RGL2: variants seen among roughly 807,000 people sequenced by gnomAD.
RGL2 encodes ral guanine nucleotide dissociation stimulator like 2.
In RGL2, 40 loss-of-function variants were observed where a neutral mutation model predicts 84.6. The observed-to-expected ratio is 0.47, with a 90% CI of 0.37 to 0.62. The LOEUF is 0.62. Among genes scored for constraint, RGL2 ranks in the 20% least tolerant of loss-of-function variants. The probability of loss-of-function intolerance (pLI) is 0.00; values close to 1 mark genes in which losing one functional copy is unlikely to be tolerated. For missense variants in RGL2, 865 were observed against 1,019.7 expected (o/e 0.85, Z 2.07); for synonymous variants, 369 against 417.3 (o/e 0.88, Z 1.41).
In RGL2 at chr6:33,293,475, G is replaced by A. The variant is rs1767633394; in HGVS notation, c.1654C>T (p.Pro552Ser). ...VPTPLVSCDRPSTGGDEAPTT... is the reference protein window; with the variant it reads ...VPTPLVSCDRSSTGGDEAPTT... ...GGCGCCTCATCTCCCCCAGTACTGG[G>A]CCGGTCACAGGACACAAGCGGGGTA... Residue 552 changes from proline to serine, a missense_variant, in exon 15 of 18, where the codon CCC becomes TCC. This residue lies in a region of RGL2 where 302 missense variants were observed against 327.9 expected (regional missense o/e 0.92). Coordinates refer to ENST00000497454, the MANE Select transcript of RGL2 (RefSeq NM_004761.5). This position sits in a 1 kb window ranked among gnomAD's most constrained non-coding sequence, Gnocchi z 7.0. 2 of 1,614,122 alleles carry A rather than the reference G, an allele frequency of 1.2e-6. No individual in the cohort carries two copies. Among genetic ancestry groups the A allele is most frequent in the South Asian group, 1.1e-5 (1 of 91,080 alleles).
rs1020520278 is a variant in RGL2 at position 33,294,606 on chromosome 6, C to T, written c.1353+82G>A. 1 of 1,491,008 alleles carries T rather than the reference C, an allele frequency of 6.7e-7. No homozygotes were observed. Among genetic ancestry groups the T allele is most frequent in the South Asian group, 1.2e-5 (1 of 84,742 alleles). The allele number at this position is 1,491,008 out of a possible 1,614,324, so 92.4% of individuals were successfully genotyped here. On this transcript the variant is annotated intron_variant, in intron 11 of 17. Transcript: ENST00000497454. The surrounding 1 kb of genome is among the most constrained non-coding windows in gnomAD (Gnocchi z 5.0). ...ACTCAGCTATTTGTGCCTTACAGCC[C>T]CTTGCAAGGGGCGGGGGGGTCTGTC...
rs767782880 is a variant in RGL2, at chr6:33,295,467, C to T, written c.1020+41G>A. 1 of 1,613,406 alleles carries T rather than the reference C, an allele frequency of 6.2e-7. No homozygotes were observed. On this transcript the variant is annotated intron_variant, in intron 7 of 17. Coordinates refer to ENST00000497454, the MANE Select transcript of RGL2 (RefSeq NM_004761.5). This position sits in a 1 kb window ranked among gnomAD's most constrained non-coding sequence, Gnocchi z 7.2. The stretch of plus-strand genomic sequence containing the variant: ...GAGCTAAGGCTATGGGAGGCCTCTC[C>T]ATTCCATGGCCACAAACCGTAGGGC...
rs1298725971 is a variant in RGL2, at chr6:33,296,405, G to A, written c.470+9C>T. The A allele has an allele frequency of 1.2e-6, 2 of 1,610,390 alleles. No homozygotes were observed. Among genetic ancestry groups the A allele is most frequent in the East Asian group, 2.2e-5 (1 of 44,874 alleles). On this transcript the variant is annotated intron_variant, in intron 5 of 17. Transcript: ENST00000497454. The surrounding 1 kb of genome is among the most constrained non-coding windows in gnomAD (Gnocchi z 5.0). ...GGGACTGTGAGATTAAGAACCAGGG[G>A]TCACTCACTCTGTTGTCCTCTCTAG...
At chr6:33,299,514 G>T (rs1258524605), upstream of RGL2, among the ~76,000 whole-genome samples, 2 of 152,102 alleles carry the variant, frequency 1.3e-5, no homozygotes, top group African/African-American at 2.4e-5. The surrounding 1 kb of genome is among the most constrained non-coding windows in gnomAD (Gnocchi z 5.0). Flanking sequence ...ATCCCCGTCG[G>T]CTCGGTGTAT....
chr6:33,293,706 TA>T lies in RGL2; in HGVS notation c.1509-8del, dbSNP rs765058341. ...CTCACAGGATACACGATGGCTGGGT[TA>T]GGGGGGCAATAGGCAGAGCTCAGGA... On this transcript the variant is annotated splice_polypyrimidine_tract_variant and splice_region_variant and intron_variant, in intron 13 of 17. Transcript: ENST00000497454. The surrounding 1 kb of genome is among the most constrained non-coding windows in gnomAD (Gnocchi z 7.0). 6 of 1,613,872 alleles carry T rather than the reference TA, an allele frequency of 3.7e-6. No homozygotes were observed. The African/African-American group carries it at 4.0e-5, about 11-fold the overall frequency.
At position 33,298,132 on chromosome 6, in the gene RGL2, G is replaced by A. The variant is rs1330283782; in HGVS notation, c.156+323C>T. 1 of 235,786 alleles carries A rather than the reference G, an allele frequency of 4.2e-6. No homozygotes were observed. The highest frequency in any genetic ancestry group is 8.2e-6 in the Non-Finnish European group (1 of 121,330). The allele number at this position is 235,786 out of a possible 1,614,324, so 14.6% of individuals were successfully genotyped here. A position where few individuals can be genotyped will look rare whatever the true frequency, so the allele number is the denominator to read the frequency against. ...CCCGCCAAACAAAAACAAGGAGGGA[G>A]ACAGGGACCAAGACACGACTGCTCA... On this transcript the variant is annotated intron_variant, in intron 2 of 17. Coordinates refer to ENST00000497454, the MANE Select transcript of RGL2 (RefSeq NM_004761.5). This position sits in a 1 kb window ranked among gnomAD's most constrained non-coding sequence, Gnocchi z 4.8.
rs761640195 is a variant in RGL2, at chr6:33,296,502, C to T, written c.420-38G>A. On this transcript the variant is annotated intron_variant, in intron 4 of 17. Transcript: ENST00000497454. The surrounding 1 kb of genome is among the most constrained non-coding windows in gnomAD (Gnocchi z 5.0). ...AGAGGATCTATCTGTCCATTTTTCC[C>T]AAACCCTCAGTGGCTTTGACTATTT... 21 of 1,588,000 alleles carry T rather than the reference C, an allele frequency of 1.3e-5. No individual in the cohort carries two copies. The Admixed American group carries it at 3.2e-4, about 24-fold the overall frequency.
chr6:33,293,346 G>A lies in RGL2; in HGVS notation c.1717-40C>T. ...CATGGGACTGGCATGAAGGCAGGGA[G>A]GTTTAAGGAAGAAACATTTACAGAG... On this transcript the variant is annotated intron_variant, in intron 15 of 17. Coordinates refer to ENST00000497454, the MANE Select transcript of RGL2 (RefSeq NM_004761.5). This position sits in a 1 kb window ranked among gnomAD's most constrained non-coding sequence, Gnocchi z 7.0. 1.9e-6 allele frequency: 3 copies of A among 1,577,518 alleles called. No homozygotes were observed. Among genetic ancestry groups the A allele is most frequent in the African/African-American group, 1.4e-5 (1 of 73,718 alleles).
upstream of RGL2, chr6:33,299,386 C>T (rs1171877143): frequency 6.6e-6 from 1 of 152,198 alleles, no homozygotes; most frequent in African/African-American, 2.4e-5. This position sits in a 1 kb window ranked among gnomAD's most constrained non-coding sequence, Gnocchi z 5.0. Flanking sequence ...TGACCGAAAT[C>T]CCGGCCGGGT....
In RGL2 at chr6:33,296,990, G is replaced by A. The variant is rs1481159938; in HGVS notation, c.240+42C>T. The A allele has an allele frequency of 2.5e-6, 4 of 1,588,370 alleles. No homozygotes were observed. In the African/African-American group the frequency reaches 5.4e-5, roughly 21 times the overall value. On this transcript the variant is annotated intron_variant, in intron 3 of 17. Coordinates refer to ENST00000497454, the MANE Select transcript of RGL2 (RefSeq NM_004761.5). This position sits in a 1 kb window ranked among gnomAD's most constrained non-coding sequence, Gnocchi z 5.0. The stretch of plus-strand genomic sequence containing the variant: ...AGTCAGCCAGAGGAAGGAAAACTGG[G>A]AATGAAGAGTCAGAGGTGAGAAGCT...
chr6:33,295,427 G>A lies in RGL2; in HGVS notation c.1021-5C>T. ...GTTTCGGAGCAGCCGGCACTCCTGT[G>A]GGGGTCAAAGAAGAGAGCTAAGGCT... On this transcript the variant is annotated splice_polypyrimidine_tract_variant and splice_region_variant and intron_variant, in intron 7 of 17. Coordinates refer to ENST00000497454, the MANE Select transcript of RGL2 (RefSeq NM_004761.5). The surrounding 1 kb of genome is among the most constrained non-coding windows in gnomAD (Gnocchi z 7.2). 1 of 1,612,830 alleles carries A rather than the reference G, an allele frequency of 6.2e-7. No homozygotes were observed. The highest frequency in any genetic ancestry group is 8.5e-7 in the Non-Finnish European group (1 of 1,179,944).
rs1299710973 is a variant in RGL2, at chr6:33,295,125, A to G, written c.1209+2T>C. The G allele has an allele frequency of 6.2e-7, 1 of 1,605,942 alleles. No individual in the cohort carries two copies. Among genetic ancestry groups the G allele is most frequent in the Non-Finnish European group, 8.5e-7 (1 of 1,176,042 alleles). ...TGGGAATGCCACAAACCAGGCTCTCACCTGCACGAGCAGCTCCCGACTCTG... is the reference window on the plus strand; with the variant it reads ...TGGGAATGCCACAAACCAGGCTCTCGCCTGCACGAGCAGCTCCCGACTCTG... On this transcript the variant is annotated splice_donor_variant, in intron 9 of 17. Coordinates refer to ENST00000497454, the MANE Select transcript of RGL2 (RefSeq NM_004761.5). LOFTEE classifies it high-confidence loss of function. The surrounding 1 kb of genome is among the most constrained non-coding windows in gnomAD (Gnocchi z 7.2).
At chr6:33,292,568 A>G in intron 16 of RGL2, 24 bp from the exon 17 acceptor site, 3 of 1,571,852 alleles carry the variant, frequency 1.9e-6, no homozygotes, top group Non-Finnish European at 2.6e-6. Context: ...AGACCAAAAG[A>G]GCAATCAATC....
Position 33,295,859 on chromosome 6 carries a change from G to A in RGL2, c.769-100C>T. ...CTCAGGTGGCCAAGGAACCAGAGGGGCACAGGGTTTGAAGGGTAACGACCA... is the reference window on the plus strand; with the variant it reads ...CTCAGGTGGCCAAGGAACCAGAGGGACACAGGGTTTGAAGGGTAACGACCA... On this transcript the variant is annotated intron_variant, in intron 6 of 17. Coordinates refer to ENST00000497454, the MANE Select transcript of RGL2 (RefSeq NM_004761.5). The surrounding 1 kb of genome is among the most constrained non-coding windows in gnomAD (Gnocchi z 7.2). 2 of 1,477,986 alleles carry A rather than the reference G, an allele frequency of 1.4e-6. No individual in the cohort carries two copies. Among genetic ancestry groups the A allele is most frequent in the South Asian group, 2.5e-5 (2 of 81,450 alleles). The allele number at this position is 1,477,986 out of a possible 1,614,324, so 91.6% of individuals were successfully genotyped here.
In RGL2 at chr6:33,296,600, G is replaced by A; in HGVS notation, c.417C>T (p.Asp139=). The A allele has an allele frequency of 6.2e-7, 1 of 1,612,626 alleles. No individual in the cohort carries two copies. Among genetic ancestry groups the A allele is most frequent in the Non-Finnish European group, 8.5e-7 (1 of 1,179,334 alleles). ...STPALLGLMA[D]RLEALESHPT... is the part of the protein sequence containing the mutation. ...CCTGCGTCCCTTATGACTCTGACCTGTCAGCCATAAGCCCTAGCAAGGCAG... is the reference window on the plus strand; with the variant it reads ...CCTGCGTCCCTTATGACTCTGACCTATCAGCCATAAGCCCTAGCAAGGCAG... Residue 139 remains aspartate, a splice_region_variant and synonymous_variant, in exon 4 of 18, where the codon GAC becomes GAT. Coordinates refer to ENST00000497454, the MANE Select transcript of RGL2 (RefSeq NM_004761.5). This position sits in a 1 kb window ranked among gnomAD's most constrained non-coding sequence, Gnocchi z 5.0.
In RGL2 at chr6:33,295,928, G is replaced by A; in HGVS notation, c.768+100C>T. 1.3e-6 allele frequency: 2 copies of A among 1,497,234 alleles called. No individual in the cohort carries two copies. The highest frequency in any genetic ancestry group is 1.4e-5 in the African/African-American group (1 of 72,622). 92.7% of individuals were successfully genotyped at this position (1,497,234 alleles called of 1,614,324 possible). A position where few individuals can be genotyped will look rare whatever the true frequency, so the allele number is the denominator to read the frequency against. ...CAAAATGGTAGGTGGAGGAGGCTAGGAGCTGGATCAGGAAGGGGTGGAAGC... is the reference window on the plus strand; with the variant it reads ...CAAAATGGTAGGTGGAGGAGGCTAGAAGCTGGATCAGGAAGGGGTGGAAGC... On this transcript the variant is annotated intron_variant, in intron 6 of 17. Coordinates refer to ENST00000497454, the MANE Select transcript of RGL2 (RefSeq NM_004761.5). The surrounding 1 kb of genome is among the most constrained non-coding windows in gnomAD (Gnocchi z 7.2).
In RGL2 at chr6:33,296,155, C is replaced by T. The variant is rs1192096429; in HGVS notation, c.641G>A (p.Arg214Gln). Residue 214 changes from arginine (R) to glutamine (Q), a missense_variant, in exon 6 of 18, where the codon CGG becomes CAG. By Grantham distance (43) the Arg-to-Gln change is conservative (BLOSUM62 1). Transcript: ENST00000497454. The surrounding 1 kb of genome is among the most constrained non-coding windows in gnomAD (Gnocchi z 5.0). ...SADLIRNLRS[R>Q]VDPQAPDLPK... The stretch of plus-strand genomic sequence containing the variant: ...AAGGTCGGGGGCCTGGGGGTCCACC[C>T]GGGACCGGAGATTGCGGATGAGGTC... The T allele has an allele frequency of 1.1e-5, 17 of 1,613,760 alleles. No homozygotes were observed. The highest frequency in any genetic ancestry group is 2.7e-5 in the African/African-American group (2 of 74,906).
At chr6:33,301,204 G>A (rs1269465784), upstream of RGL2, 4 of 152,606 alleles carry the variant, frequency 2.6e-5, no homozygotes, top group African/African-American at 9.7e-5. Flanking sequence ...AAGAGGTCCT[G>A]AGAGAAAAAA....
Position 33,292,028 on chromosome 6 carries a change from T to C in RGL2, c.*74A>G, listed in dbSNP as rs1302507945. On this transcript the variant is annotated 3_prime_UTR_variant, in exon 18 of 18. Coordinates refer to ENST00000497454, the MANE Select transcript of RGL2 (RefSeq NM_004761.5). ...GAATTTCTGTCTCAATGTGATATAATTGCCACCATTCAGGATGGCTACCCA... is the reference window on the plus strand; with the variant it reads ...GAATTTCTGTCTCAATGTGATATAACTGCCACCATTCAGGATGGCTACCCA... 4 of 1,495,300 alleles carry C rather than the reference T, an allele frequency of 2.7e-6. No individual in the cohort carries two copies. Among genetic ancestry groups the C allele is most frequent in the African/African-American group, 2.8e-5 (2 of 72,686 alleles). The allele number at this position is 1,495,300 out of a possible 1,614,324, so 92.6% of individuals were successfully genotyped here.
Sources: allele counts gnomAD v4.1 joint callset (sites outside exome capture counted in the v4.1 genomes callset), GRCh38; gene constraint gnomAD v4.1.1; regional missense constraint gnomAD v4.1.1; non-coding constraint Gnocchi (gnomAD v3.1); transcripts MANE v1.5; gene names NCBI Gene and HGNC (gene_info 2026-07-23, HGNC 2026-07-21).